The following LIMCH1 variants were observed in gnomAD, a reference collection of about 807,000 sequenced individuals.
LIMCH1 encodes LIM and calponin homology domains 1, also known as LIM and calponin homology domains-containing protein 1.
Under a neutral mutation model 176.5 loss-of-function variants are expected in LIMCH1, and 113 were observed. The ratio of observed to expected loss-of-function variants is 0.64; its 90% CI spans 0.55 to 0.75. The LOEUF (loss-of-function observed/expected upper bound fraction) is 0.75, where lower values mean the gene tolerates loss of function less well. LIMCH1 is among the 30% of genes least tolerant of loss of function. The probability of loss-of-function intolerance (pLI) is 0.00; values close to 1 mark genes in which losing one functional copy is unlikely to be tolerated. For synonymous variants in LIMCH1, 619 were observed against 645.9 expected (o/e 0.96, Z 0.63); for missense variants, 1,674 against 1,814.9 (o/e 0.92, Z 1.41).
At chr4:41,474,927 G>A (rs1371946660) in intron 1 of LIMCH1, among the ~76,000 whole-genome samples, 2 of 151,972 alleles carry the variant, frequency 1.3e-5, no homozygotes, top group Admixed American at 6.6e-5. Flanking sequence ...ACAACAGAGT[G>A]TTCACAACAG....
At position 41,629,652 on chromosome 4, in the gene LIMCH1, C is replaced by T; in HGVS notation, c.1189C>T (p.Pro397Ser). The part of the protein sequence containing the change: ...IQGSLAPHRE[P>S]PSFITLSNIT... ...GGGCAGCCTTGCCCCTCACCGCGAG[C>T]CCCCGAGCTTCATTACGCTCTCCAA... Residue 397 changes from proline (P) to serine (S), a missense_variant, in exon 9 of 32, where the codon CCC becomes TCC. Around this residue, in one of 3 missense-constraint regions of LIMCH1, gnomAD observed 655 missense variants for 692.2 expected, o/e 0.95. Coordinates refer to ENST00000503057, the MANE Select transcript of LIMCH1 (RefSeq NM_001330672.2). 1 of 1,536,048 alleles carries T rather than the reference C, an allele frequency of 6.5e-7. No homozygotes were observed. Among genetic ancestry groups the T allele is most frequent in the African/African-American group, 1.4e-5 (1 of 73,118 alleles).
intron 13 of LIMCH1, among the ~76,000 whole-genome samples, chr4:41,634,210 G>A (rs764316407): frequency 7.9e-5 from 12 of 152,136 alleles, no homozygotes; most frequent in African/African-American, 9.7e-5. Context: ...GCAAACACTC[G>A]TTGCCTTCTG....
intron 1 of LIMCH1, among the ~76,000 whole-genome samples, chr4:41,422,881 C>T (rs988128196): frequency 1.3e-5 from 2 of 152,172 alleles, no homozygotes. Flanking sequence ...CTTCAGCCTC[C>T]TGAGGAGCTG....
At chr4:41,644,832 A>G (rs537133171) in intron 15 of LIMCH1, among the ~76,000 whole-genome samples, 1 of 152,314 alleles carries the variant, frequency 6.6e-6, no homozygotes, top group East Asian at 1.9e-4. Flanking sequence ...GTAATCAGCA[A>G]ACACCCTGGC....
intron 1 of LIMCH1, among the ~76,000 whole-genome samples, chr4:41,420,575 A>G (rs2060521325): frequency 2.6e-5 from 4 of 152,196 alleles, no homozygotes; most frequent in Admixed American, 2.6e-4. Context: ...GATGAGTTGG[A>G]CATAGGACTT....
At chr4:41,395,889 T>C (rs937337335) in intron 1 of LIMCH1, among the ~76,000 whole-genome samples, 1 of 151,896 alleles carries the variant, frequency 6.6e-6, no homozygotes, top group Non-Finnish European at 1.5e-5. Flanking sequence ...TGGAGAAAAA[T>C]AAAGTAGGGC....
intron 7 of LIMCH1, among the ~76,000 whole-genome samples, chr4:41,625,752 G>A (rs2092908244): frequency 1.3e-5 from 2 of 152,168 alleles, no homozygotes; most frequent in South Asian, 4.1e-4. Context: ...TTCACAAGAT[G>A]CACAAGGGAC....
At chr4:41,579,737 A>G (rs1432602771) in intron 1 of LIMCH1, among the ~76,000 whole-genome samples, 15 of 152,168 alleles carry the variant, frequency 9.9e-5, no homozygotes, top group Non-Finnish European at 2.2e-4. Context: ...AGGAATTTAA[A>G]ACACTTAACT....
intron 1 of LIMCH1, among the ~76,000 whole-genome samples, chr4:41,475,522 C>T (rs1041361481): frequency 3.3e-5 from 5 of 152,134 alleles, no homozygotes; most frequent in Non-Finnish European, 5.9e-5. Flanking sequence ...ATGTTGAAAC[C>T]ACAGAAGCTG....
At chr4:41,574,622 G>A (rs1024721749) in intron 1 of LIMCH1, among the ~76,000 whole-genome samples, 3 of 152,032 alleles carry the variant, frequency 2.0e-5, no homozygotes, top group African/African-American at 7.2e-5. Context: ...CTCATCCCTG[G>A]GAGACAAGCA....
At chr4:41,651,485 T>C in intron 18 of LIMCH1, among the ~76,000 whole-genome samples, 1 of 152,236 alleles carries the variant, frequency 6.6e-6, no homozygotes, top group East Asian at 1.9e-4. Context: ...CCTGTATCAT[T>C]GGTATAATGG....
Position 41,403,522 on chromosome 4 carries a change from A to G in LIMCH1, c.96+42586A>G, listed in dbSNP as rs111321888. Reference sequence around the variant, plus strand: ...CTTGAACCCAGGAGGTGGAGGTTGCAGTGAGCTGAGATTGTGCCACTGCAC... The same window carrying G: ...CTTGAACCCAGGAGGTGGAGGTTGCGGTGAGCTGAGATTGTGCCACTGCAC... On this transcript the variant is annotated intron_variant, in intron 1 of 26. Coordinates refer to the LIMCH1 transcript ENST00000313860. 2.0e-3 allele frequency among the ~76,000 whole-genome samples: 310 copies of G among 152,308 alleles called. 1 individual carries two copies. Among genetic ancestry groups the G allele is most frequent in the African/African-American group, 6.7e-3 (280 of 41,556 alleles).
chr4:41,498,856 G>A (rs1048201988), intron 2 of LIMCH1, among the ~76,000 whole-genome samples: 3 of 151,834 alleles, frequency 2.0e-5, no homozygotes, highest in African/African-American at 4.8e-5. Context: ...TCAGGGGCTG[G>A]CAAATTATGG....
chr4:41,390,334 T>G (rs542561988), intron 1 of LIMCH1, among the ~76,000 whole-genome samples: 1 of 151,282 alleles, frequency 6.6e-6, no homozygotes, highest in South Asian at 2.1e-4. Context: ...GGGAGTACAG[T>G]TTTCTTTATC....
chr4:41,461,005 A>G (rs1055905036), intron 1 of LIMCH1, among the ~76,000 whole-genome samples: 3 of 152,144 alleles, frequency 2.0e-5, no homozygotes, highest in African/African-American at 7.2e-5. Context: ...TTTGTTGAAC[A>G]CTCAAGATGC....
intron 27 of LIMCH1, among the ~76,000 whole-genome samples, 185 bp from the exon 28 acceptor site, chr4:41,685,525 C>G (rs142422738): frequency 3.9e-5 from 6 of 152,316 alleles, no homozygotes; most frequent in Non-Finnish European, 8.8e-5. Flanking sequence ...TCCTGACCTC[C>G]TTTGTTTCCA....
At chr4:41,392,082 A>C (rs1029230143) in intron 1 of LIMCH1, among the ~76,000 whole-genome samples, 2 of 152,118 alleles carry the variant, frequency 1.3e-5, no homozygotes, top group Non-Finnish European at 2.9e-5. Context: ...AAGAAGATTA[A>C]CATGTCAGGT....
chr4:41,489,654 A>C (rs1294631595), intron 1 of LIMCH1, among the ~76,000 whole-genome samples: 1 of 152,066 alleles, frequency 6.6e-6, no homozygotes, highest in Non-Finnish European at 1.5e-5. Context: ...CATATTTTGT[A>C]TGAATTCTTT....
intron 1 of LIMCH1, among the ~76,000 whole-genome samples, chr4:41,402,071 T>C (rs1345738420): frequency 1.3e-5 from 2 of 152,136 alleles, no homozygotes; most frequent in African/African-American, 4.8e-5. Context: ...AACACTAAGT[T>C]GAATAGGAGT....
Sources: gnomAD v4.1 joint callset for allele counts (sites outside exome capture counted in the v4.1 genomes callset) on GRCh38, gnomAD v4.1.1 for gene constraint, gnomAD v4.1.1 regional missense constraint, MANE v1.5 for transcripts, NCBI Gene and HGNC (gene_info 2026-07-23, HGNC 2026-07-21) for gene names.